MYH13: variants seen among roughly 807,000 people sequenced by gnomAD.
MYH13 encodes the protein myosin heavy chain 13.
Under a neutral mutation model 232.1 loss-of-function variants are expected in MYH13, and 177 were observed. That is an observed-to-expected ratio of 0.76 (90% CI 0.67 to 0.86). The LOEUF is 0.86. MYH13 is among the 40% of genes least tolerant of loss of function. MYH13 has a pLI of 0.00. For synonymous variants in MYH13, 884 were observed against 923.5 expected (o/e 0.96, Z 0.78); for missense variants, 2,246 against 2,405.9 (o/e 0.93, Z 1.39).
At chr17:10,322,133 C>T (rs1324430096) in intron 23 of MYH13, among the ~76,000 whole-genome samples, 1 of 152,122 alleles carries the variant, frequency 6.6e-6, no homozygotes, top group Non-Finnish European at 1.5e-5. Context: ...TGGCTCACGC[C>T]TGTAATCCCA....
intron 27 of MYH13, among the ~76,000 whole-genome samples, chr17:10,317,309 C>CA (rs1250472393): frequency 6.6e-6 from 1 of 152,082 alleles, no homozygotes; most frequent in African/African-American, 2.4e-5. Flanking sequence ...AAAGGGCAAA[C>CA]ACATGGGAAA....
At position 10,306,323 on chromosome 17, in the gene MYH13, G is replaced by A; in HGVS notation, c.5466+136C>T. 8.7e-7 allele frequency: 1 copy of A among 1,154,772 alleles called. No individual in the cohort carries two copies. Among genetic ancestry groups the A allele is most frequent in the South Asian group, 1.5e-5 (1 of 68,258 alleles). 71.5% of individuals were successfully genotyped at this position (1,154,772 alleles called of 1,614,324 possible). On this transcript the variant is annotated intron_variant, in intron 37 of 40. Transcript: ENST00000252172. The surrounding 1 kb of genome is among the most constrained non-coding windows in gnomAD (Gnocchi z 4.3). ...AAGAGGTGAGAAATGAAGCTCACAG[G>A]GAATTTTTCAAGCAGTCCTGAAACT...
intron 2 of MYH13, among the ~76,000 whole-genome samples, chr17:10,367,273 T>G (rs1283775803): frequency 2.0e-5 from 3 of 152,244 alleles, no homozygotes; most frequent in Non-Finnish European, 4.4e-5. Flanking sequence ...TATTGAAAAT[T>G]AAAATTGAGA....
At chr17:10,301,740 C>T (rs778784182) in intron 39 of MYH13, 37 bp from the exon 40 acceptor site, 2 of 1,607,222 alleles carry the variant, frequency 1.2e-6, no homozygotes, top group African/African-American at 2.7e-5. Flanking sequence ...CGCTGTAGAG[C>T]CTCTCAGTCC....
At position 10,344,005 on chromosome 17, in the gene MYH13, G is replaced by A. The variant is rs761582287; in HGVS notation, c.1689C>T (p.Asn563=). The change falls in exon 16 of 41, where the codon AAC becomes AAT. Residue 563 remains asparagine (N), a synonymous_variant. Transcript: ENST00000252172. ...KLYDQHLGKS[N]NFQKPKPAKG... is the part of the protein sequence containing the mutation. ...TGGCAGGCTTGGGCTTCTGGAAGTT[G>A]TTGGATTTTCCAAGATGCTGGTCAT... The A allele has an allele frequency of 7.8e-5, 126 of 1,614,138 alleles. 2 individuals carry two copies. The highest frequency in any genetic ancestry group is 6.0e-4 in the South Asian group (55 of 91,088).
chr17:10,343,891 G>C lies in MYH13; in HGVS notation c.1803C>G (p.Asp601Glu). The part of the protein sequence containing the change: ...NIAGWLDKNK[D>E]PLNETVVGLY... ...GCCCCACCACAGTCTCGTTCAGGGGGTCCTTGTTTTTGTCCAGCCAGCCGG... is the reference window on the plus strand; with the variant it reads ...GCCCCACCACAGTCTCGTTCAGGGGCTCCTTGTTTTTGTCCAGCCAGCCGG... The change falls in exon 16 of 41, where the codon GAC (aspartate) becomes GAG (glutamate). Residue 601 changes from aspartate to glutamate, a missense_variant. Physicochemically the swap from Asp to Glu is conservative, Grantham distance 45. Transcript: ENST00000252172. 6.2e-7 allele frequency: 1 copy of C among 1,614,250 alleles called. No individual in the cohort carries two copies. The highest frequency in any genetic ancestry group is 2.2e-5 in the East Asian group (1 of 44,880).
At position 10,343,870 on chromosome 17, in the gene MYH13, C is replaced by T. The variant is rs1360323746; in HGVS notation, c.1824G>A (p.Val608=). ...TCAGCGAAGACTTCTGGTACAGCCC[C>T]ACCACAGTCTCGTTCAGGGGGTCCT... is the stretch of plus-strand genomic sequence containing the variant. The part of the protein sequence containing the change: ...KNKDPLNETV[V]GLYQKSSLKL... The change falls in exon 16 of 41, where the codon GTG becomes GTA. Residue 608 remains valine (V), a synonymous_variant. Coordinates refer to ENST00000252172, the MANE Select transcript of MYH13 (RefSeq NM_003802.3). The T allele has an allele frequency of 1.2e-6, 2 of 1,614,170 alleles. No individual in the cohort carries two copies. Among genetic ancestry groups the T allele is most frequent in the South Asian group, 2.2e-5 (2 of 91,078 alleles).
chr17:10,340,536 T>C (rs1483437782), intron 16 of MYH13, 135 bp from the exon 17 acceptor site: 1 of 676,386 alleles, frequency 1.5e-6, no homozygotes, highest in African/African-American at 1.8e-5. Flanking sequence ...TTTGTTTGTT[T>C]TAGACGGAGT....
chr17:10,326,363 A>G (rs1241227171), intron 22 of MYH13, among the ~76,000 whole-genome samples: 1 of 152,400 alleles, frequency 6.6e-6, no homozygotes, highest in East Asian at 1.9e-4. Flanking sequence ...TATAAAAACA[A>G]AAGGTAAAAG....
intron 18 of MYH13, among the ~76,000 whole-genome samples, chr17:10,338,534 C>T (rs2071593507): frequency 6.6e-6 from 1 of 151,806 alleles, no homozygotes; most frequent in South Asian, 2.1e-4. Context: ...ATGTGCTCAG[C>T]CCTGTTGTAA....
At position 10,309,399 on chromosome 17, in the gene MYH13, A is replaced by AT. The variant is rs777653352; in HGVS notation, c.5003dup (p.Asn1668LysfsTer2). On this transcript the variant is annotated frameshift_variant, in exon 35 of 41. Transcript: ENST00000252172. LOFTEE classifies it high-confidence loss of function. ...TGGCCAGCTGCTCCTTGAGGTCCTC[A>AT]TTGCTCCTCAGGGCGTCATCGAGAT... 9 of 1,609,966 alleles carry AT rather than the reference A, an allele frequency of 5.6e-6. No homozygotes were observed. The East Asian group carries it at 2.0e-4, about 36-fold the overall frequency.
intron 18 of MYH13, among the ~76,000 whole-genome samples, chr17:10,336,669 T>C (rs960893747): frequency 2.0e-5 from 3 of 152,210 alleles, no homozygotes; most frequent in African/African-American, 7.2e-5. Context: ...TTCCCTGTCC[T>C]GGTCACCTCA....
At chr17:10,344,787 C>CTCCA (rs1335199724) in intron 15 of MYH13, among the ~76,000 whole-genome samples, 1 of 146,714 alleles carries the variant, frequency 6.8e-6, no homozygotes, top group Non-Finnish European at 1.5e-5. Context: ...CACCACTGCA[C>CTCCA]TCCAGCCTGG....
rs373909735 is a variant in MYH13, at chr17:10,346,824, C to T, written c.1145-26G>A. On this transcript the variant is annotated intron_variant, in intron 12 of 40. Coordinates refer to ENST00000252172, the MANE Select transcript of MYH13 (RefSeq NM_003802.3). ...CTGAAGGAAGAGAAAAAAATGGCAT[C>T]ATGCAAAAACAGTAGCTGCTAAAGT... 11 of 1,559,032 alleles carry T rather than the reference C, an allele frequency of 7.1e-6. No individual in the cohort carries two copies. In the African/African-American group the frequency reaches 1.5e-4, roughly 21 times the overall value.
chr17:10,344,972 A>G (rs2071650956), intron 15 of MYH13, among the ~76,000 whole-genome samples: 2 of 152,130 alleles, frequency 1.3e-5, no homozygotes, highest in Admixed American at 6.6e-5. Flanking sequence ...GGGTTCCATC[A>G]CATTCTTGGA....
intron 16 of MYH13, among the ~76,000 whole-genome samples, chr17:10,343,240 C>T (rs1010093919): frequency 1.3e-5 from 2 of 151,984 alleles, no homozygotes; most frequent in African/African-American, 2.4e-5. Flanking sequence ...CTCTGTCACC[C>T]AGGCTGGAGG....
intron 27 of MYH13, among the ~76,000 whole-genome samples, chr17:10,316,381 A>T (rs1906713268): frequency 6.6e-6 from 1 of 152,072 alleles, no homozygotes; most frequent in Admixed American, 6.5e-5. Context: ...GAATCGCTTG[A>T]ACTCGGGAGG....
intron 18 of MYH13, among the ~76,000 whole-genome samples, chr17:10,335,559 C>T (rs2071566850): frequency 1.3e-5 from 2 of 152,050 alleles, no homozygotes; most frequent in South Asian, 4.2e-4. Flanking sequence ...TCGAGACCAC[C>T]CTGGCCAACA....
At chr17:10,351,127 A>G (rs1235478988) in intron 11 of MYH13, among the ~76,000 whole-genome samples, 1 of 148,142 alleles carries the variant, frequency 6.8e-6, no homozygotes, top group East Asian at 2.1e-4. Context: ...ATGCTGAGGC[A>G]GGAGAATCAC....
Sources: allele counts gnomAD v4.1 joint callset (sites outside exome capture counted in the v4.1 genomes callset), GRCh38; gene constraint gnomAD v4.1.1; non-coding constraint Gnocchi (gnomAD v3.1); transcripts MANE v1.5; gene names NCBI Gene and HGNC (gene_info 2026-07-23, HGNC 2026-07-21).